Variants in CRPPA observed in about 807,000 individuals in gnomAD.
CRPPA encodes the protein D-ribitol-5-phosphate cytidylyltransferase.
In CRPPA, 43 loss-of-function variants were observed where a neutral mutation model predicts 52.0. The observed-to-expected ratio is 0.83, with a 90% CI of 0.65 to 1.07. The LOEUF is 1.07. Ranked by LOEUF, CRPPA falls within the 50% of genes least tolerant of loss-of-function variation. The pLI, the probability that CRPPA is intolerant of heterozygous loss-of-function variation, is 0.00. For synonymous variants in CRPPA, 250 were observed against 203.5 expected (o/e 1.23, Z -1.94); for missense variants, 629 against 551.7 (o/e 1.14, Z -1.40).
At chr7:16,322,095 G>C (rs369918583) in intron 3 of CRPPA, among the ~76,000 whole-genome samples, 4 of 152,038 alleles carry the variant, frequency 2.6e-5, no homozygotes, top group Non-Finnish European at 5.9e-5. Context: ...CTGATTTTAA[G>C]TCACTCAATT....
chr7:16,355,282 T>C (rs150878453), intron 3 of CRPPA, among the ~76,000 whole-genome samples: 49 of 152,170 alleles, frequency 3.2e-4, no homozygotes, highest in Non-Finnish European at 6.3e-4. Context: ...AATGAACTAG[T>C]TTCCCTTTCC....
intron 2 of CRPPA, among the ~76,000 whole-genome samples, chr7:16,391,556 C>T (rs1288285733): frequency 6.6e-6 from 1 of 152,160 alleles, no homozygotes; most frequent in African/African-American, 2.4e-5. Context: ...TCTCAAAGAA[C>T]TAGTCAAGTT....
At chr7:16,215,714 T>C (rs147994229) in intron 9 of CRPPA, among the ~76,000 whole-genome samples, 120 of 152,338 alleles carry the variant, frequency 7.9e-4, no homozygotes, top group African/African-American at 2.7e-3. Flanking sequence ...TTTTATTAGA[T>C]TTGAAATTCA....
At chr7:16,276,425 A>AG (rs1264346405) in intron 6 of CRPPA, among the ~76,000 whole-genome samples, 1 of 152,224 alleles carries the variant, frequency 6.6e-6, no homozygotes, top group Non-Finnish European at 1.5e-5. Flanking sequence ...AGACTAAATC[A>AG]CTTATAAGAC....
At chr7:16,397,502 C>A (rs1787631658) in intron 2 of CRPPA, among the ~76,000 whole-genome samples, 1 of 152,080 alleles carries the variant, frequency 6.6e-6, no homozygotes, top group Admixed American at 6.5e-5. Context: ...ATGACTGACA[C>A]ATAACATGTG....
At chr7:16,398,106 C>T (rs1458855241) in intron 2 of CRPPA, among the ~76,000 whole-genome samples, 1 of 151,798 alleles carries the variant, frequency 6.6e-6, no homozygotes, top group Non-Finnish European at 1.5e-5. Context: ...ATTGACATGA[C>T]TGACAGGTGA....
At chr7:16,256,753 G>A (rs546781095) in intron 8 of CRPPA, among the ~76,000 whole-genome samples, 1 of 152,134 alleles carries the variant, frequency 6.6e-6, no homozygotes, top group East Asian at 1.9e-4. Flanking sequence ...TCACACACTG[G>A]GGCTTGTTGG....
At chr7:16,219,849 A>C (rs1001903650) in intron 8 of CRPPA, among the ~76,000 whole-genome samples, 2 of 150,904 alleles carry the variant, frequency 1.3e-5, no homozygotes, top group African/African-American at 4.9e-5. Flanking sequence ...TTCACAGCCA[A>C]ATTCTATCAG....
intron 9 of CRPPA, among the ~76,000 whole-genome samples, chr7:16,177,160 T>C (rs1781319271): frequency 6.6e-6 from 1 of 151,984 alleles, no homozygotes; most frequent in Non-Finnish European, 1.5e-5. Context: ...GGGGAGAAAG[T>C]ATGACCAAAA....
intron 3 of CRPPA, among the ~76,000 whole-genome samples, chr7:16,366,959 G>T (rs1786610652): frequency 6.6e-6 from 1 of 152,032 alleles, no homozygotes; most frequent in Non-Finnish European, 1.5e-5. Context: ...GTGCCACTTT[G>T]GTACTGTGGT....
Position 16,414,076 on chromosome 7 carries a change from G to A in CRPPA, c.257+6990C>T, listed in dbSNP as rs1056961144. Among the ~76,000 whole-genome samples, 40 of 152,228 alleles carry A rather than the reference G, an allele frequency of 2.6e-4. 1 individual carries two copies. In the South Asian group the frequency reaches 4.6e-3, roughly 17 times the overall value. Reference sequence around the variant, plus strand: ...CTGTAGAAGATTTATAGGGGAGGCCGAGTTATAACAAACTTTGACAAGCAT... The same window carrying A: ...CTGTAGAAGATTTATAGGGGAGGCCAAGTTATAACAAACTTTGACAAGCAT... On this transcript the variant is annotated intron_variant, in intron 1 of 9. Transcript: ENST00000407010.
At chr7:16,246,448 T>A (rs892589826) in intron 8 of CRPPA, among the ~76,000 whole-genome samples, 6 of 152,188 alleles carry the variant, frequency 3.9e-5, no homozygotes, top group Admixed American at 1.3e-4. Context: ...ATCACGAATG[T>A]TCCTAACGGC....
At chr7:16,243,000 C>A (rs1583459801) in intron 8 of CRPPA, among the ~76,000 whole-genome samples, 1 of 152,194 alleles carries the variant, frequency 6.6e-6, no homozygotes, top group East Asian at 1.9e-4. Flanking sequence ...CACCACCAGT[C>A]TCTAAATGGT....
At chr7:16,391,769 C>T (rs1257802754) in intron 2 of CRPPA, among the ~76,000 whole-genome samples, 2 of 152,140 alleles carry the variant, frequency 1.3e-5, no homozygotes, top group African/African-American at 4.8e-5. Flanking sequence ...CTCTCCAGCA[C>T]CTAGAAAAGT....
chr7:16,368,101 C>T (rs1456606738), intron 3 of CRPPA, among the ~76,000 whole-genome samples: 3 of 150,272 alleles, frequency 2.0e-5, no homozygotes, highest in Non-Finnish European at 4.4e-5. Context: ...GTGAGCATAA[C>T]ACCAATTTTC....
At chr7:16,368,399 C>T (rs998755414) in intron 3 of CRPPA, among the ~76,000 whole-genome samples, 1 of 152,070 alleles carries the variant, frequency 6.6e-6, no homozygotes, top group African/African-American at 2.4e-5. Flanking sequence ...TAAAACTGAA[C>T]AAATACCTAG....
chr7:16,345,237 G>C (rs62441921), intron 3 of CRPPA, among the ~76,000 whole-genome samples: 44,992 of 152,020 alleles, frequency 0.3, 6,875 homozygotes, highest in Admixed American at 0.34. Context: ...TGTCAACCAA[G>C]TATTCTATTC....
chr7:16,371,064 G>A (rs1786736684), intron 3 of CRPPA, among the ~76,000 whole-genome samples: 1 of 152,120 alleles, frequency 6.6e-6, no homozygotes, highest in East Asian at 1.9e-4. Flanking sequence ...TTTCCTGCTG[G>A]CCTGGCAGGG....
intron 9 of CRPPA, among the ~76,000 whole-genome samples, chr7:16,099,826 T>C (rs879092895): frequency 6.6e-6 from 1 of 152,206 alleles, no homozygotes; most frequent in Admixed American, 6.5e-5. Flanking sequence ...CAGTGTCATA[T>C]ACAACATCCT....
Sources: gnomAD v4.1 joint callset for allele counts (sites outside exome capture counted in the v4.1 genomes callset) on GRCh38, gnomAD v4.1.1 for gene constraint, MANE v1.5 for transcripts, NCBI Gene and HGNC (gene_info 2026-07-23, HGNC 2026-07-21) for gene names.